SLC25A27: variants seen among roughly 807,000 people sequenced by gnomAD.
SLC25A27 encodes mitochondrial uncoupling protein 4.
In SLC25A27, 35 loss-of-function variants were observed where a neutral mutation model predicts 49.1. That is an observed-to-expected ratio of 0.71 (90% CI 0.54 to 0.95). The LOEUF (loss-of-function observed/expected upper bound fraction) is 0.95. SLC25A27 is among the 40% of genes least tolerant of loss of function. The probability of loss-of-function intolerance (pLI) is 0.00; values close to 1 mark genes in which losing one functional copy is unlikely to be tolerated. For missense variants in SLC25A27, 339 were observed against 397.1 expected (o/e 0.85, Z 1.24); for synonymous variants, 144 against 136.9 (o/e 1.05, Z -0.36).
Position 46,653,041 on chromosome 6 carries a change from C to A in SLC25A27, c.-152C>A, listed in dbSNP as rs998929687. On this transcript the variant is annotated 5_prime_UTR_variant, in exon 1 of 9. Coordinates refer to ENST00000371347, the MANE Select transcript of SLC25A27 (RefSeq NM_004277.5). Reference sequence around the variant, plus strand: ...CCAGCTGGGACTGCTAGGAAGGTTGCGGGTCCACCCGGCCGAGCCGAACGA... The same window carrying A: ...CCAGCTGGGACTGCTAGGAAGGTTGAGGGTCCACCCGGCCGAGCCGAACGA... The A allele has an allele frequency of 1.4e-5, 10 of 693,310 alleles. No individual in the cohort carries two copies. The East Asian group carries it at 2.2e-4, about 15-fold the overall frequency. The allele number at this position is 693,310 out of a possible 1,614,324, so 42.9% of individuals were successfully genotyped here. A position where few individuals can be genotyped will look rare whatever the true frequency, so the allele number is the denominator to read the frequency against.
Position 46,667,843 on chromosome 6 carries a change from T to C in SLC25A27, c.620-866T>C, listed in dbSNP as rs191396106. ...CTGAAACACCATGTAGTTTACTTTA[T>C]TGTCTCATCCCACAACAGAGAGCAA... On this transcript the variant is annotated intron_variant, in intron 5 of 8. Transcript: ENST00000371347. Among the ~76,000 whole-genome samples, 205 of 152,360 alleles carry C rather than the reference T, an allele frequency of 1.3e-3. 1 individual carries two copies. Among genetic ancestry groups the C allele is most frequent in the African/African-American group, 4.8e-3 (199 of 41,586 alleles).
chr6:46,668,483 C>T (rs556361042), intron 5 of SLC25A27, among the ~76,000 whole-genome samples: 3 of 152,134 alleles, frequency 2.0e-5, no homozygotes, highest in Non-Finnish European at 4.4e-5. Flanking sequence ...AGGGGTTGAG[C>T]TGAATTTAGG....
At chr6:46,668,916 A>G in intron 6 of SLC25A27, 123 bp downstream of exon 6, 1 of 567,456 alleles carries the variant, frequency 1.8e-6, no homozygotes, top group Non-Finnish European at 3.2e-6. Context: ...AGAGAAGAGT[A>G]CATTTATAAA....
At position 46,668,774 on chromosome 6, in the gene SLC25A27, A is replaced by G. The variant is rs1300136980; in HGVS notation, c.685A>G (p.Met229Val). The G allele has an allele frequency of 1.2e-6, 2 of 1,600,470 alleles. No individual in the cohort carries two copies. The highest frequency in any genetic ancestry group is 4.5e-5 in the East Asian group (2 of 44,794). ...VLNTPLEDNI[M>V]THGLSSLCSG... is the part of the protein sequence containing the mutation. The stretch of plus-strand genomic sequence containing the variant: ...GAATACACCACTTGAGGACAATATC[A>G]TGACTCACGGTTTATCAAGGTAAGG... The change falls in exon 6 of 9, where the codon ATG becomes GTG. Residue 229 changes from methionine to valine, a missense_variant. Coordinates refer to ENST00000371347, the MANE Select transcript of SLC25A27 (RefSeq NM_004277.5).
At chr6:46,668,099 C>T (rs1763381061) in intron 5 of SLC25A27, among the ~76,000 whole-genome samples, 1 of 152,210 alleles carries the variant, frequency 6.6e-6, no homozygotes, top group African/African-American at 2.4e-5. Flanking sequence ...AATCCCAGCA[C>T]TTTGGGAGGT....
At chr6:46,655,518 T>C (rs2150630353) in intron 1 of SLC25A27, among the ~76,000 whole-genome samples, 1 of 147,070 alleles carries the variant, frequency 6.8e-6, no homozygotes, top group African/African-American at 2.5e-5. Context: ...TCATTTTAAT[T>C]TTTATTGTTA....
chr6:46,676,762 T>C lies in SLC25A27; in HGVS notation c.*308T>C. 7.5e-7 allele frequency: 1 copy of C among 1,327,118 alleles called. No individual in the cohort carries two copies. Among genetic ancestry groups the C allele is most frequent in the Non-Finnish European group, 1.1e-6 (1 of 943,664 alleles). 82.2% of individuals were successfully genotyped at this position (1,327,118 alleles called of 1,614,324 possible). On this transcript the variant is annotated 3_prime_UTR_variant, in exon 9 of 9. Coordinates refer to ENST00000371347, the MANE Select transcript of SLC25A27 (RefSeq NM_004277.5). ...CAAGAAGGTTTGGCCTTTGAGTTGC[T>C]ATTCTATGCTGAAGAGCCTGCTTAG... is the stretch of plus-strand genomic sequence containing the variant.
chr6:46,661,557 C>A (rs191221595), intron 3 of SLC25A27, among the ~76,000 whole-genome samples: 1 of 152,318 alleles, frequency 6.6e-6, no homozygotes, highest in East Asian at 1.9e-4. Context: ...TACAAAGGAA[C>A]ATTTATACAG....
Position 46,670,208 on chromosome 6 carries a change from C to A in SLC25A27, c.778C>A (p.Pro260Thr). Residue 260 changes from proline (P) to threonine (T), a missense_variant, in exon 7 of 9, where the codon CCA becomes ACA. Pro to Thr is a conservative substitution (Grantham distance 38). Coordinates refer to ENST00000371347, the MANE Select transcript of SLC25A27 (RefSeq NM_004277.5). ...CATCAAAAGCAGAATAATGAATCAACCACGAGATAAACAAGGAAGGTAGAT... is the reference window on the plus strand; with the variant it reads ...CATCAAAAGCAGAATAATGAATCAAACACGAGATAAACAAGGAAGGTAGAT... ...DVIKSRIMNQ[P>T]RDKQGRGLLY... 1 of 1,611,970 alleles carries A rather than the reference C, an allele frequency of 6.2e-7. No homozygotes were observed. Among genetic ancestry groups the A allele is most frequent in the South Asian group, 1.1e-5 (1 of 90,816 alleles).
In SLC25A27 at chr6:46,664,764, T is replaced by C; in HGVS notation, c.507-10T>C. 1 of 1,504,428 alleles carries C rather than the reference T, an allele frequency of 6.6e-7. No individual in the cohort carries two copies. Among genetic ancestry groups the C allele is most frequent in the East Asian group, 2.3e-5 (1 of 43,614 alleles). 93.2% of individuals were successfully genotyped at this position (1,504,428 alleles called of 1,614,324 possible). Reference sequence around the variant, plus strand: ...ATGGAGTTTTCACATTTAATTATTATTCTCCTTAGATTTCGTGGTGTACAT... The same window carrying C: ...ATGGAGTTTTCACATTTAATTATTACTCTCCTTAGATTTCGTGGTGTACAT... On this transcript the variant is annotated splice_polypyrimidine_tract_variant and intron_variant, in intron 4 of 8. Transcript: ENST00000371347.
chr6:46,672,618 A>C (rs1763596928), intron 8 of SLC25A27, among the ~76,000 whole-genome samples: 1 of 152,148 alleles, frequency 6.6e-6, no homozygotes, highest in African/African-American at 2.4e-5. Flanking sequence ...CTTCATTCCC[A>C]GATTCCTGCT....
chr6:46,669,915 C>G (rs1430960207), intron 6 of SLC25A27, among the ~76,000 whole-genome samples: 1 of 152,180 alleles, frequency 6.6e-6, no homozygotes, highest in African/African-American at 2.4e-5. Context: ...TAGAAGAATG[C>G]TTGACACCAG....
intron 7 of SLC25A27, chr6:46,670,475 A>G (rs1194653812): frequency 9.7e-6 from 4 of 410,654 alleles, no homozygotes; most frequent in Non-Finnish European, 1.7e-5. Context: ...GTTTTTAAAG[A>G]ATTGTTAAAA....
At chr6:46,673,333 A>G (rs1287583914) in intron 8 of SLC25A27, among the ~76,000 whole-genome samples, 2 of 152,204 alleles carry the variant, frequency 1.3e-5, no homozygotes, top group Non-Finnish European at 2.9e-5. Context: ...AAAAGCATCA[A>G]AAGTCTAAAT....
chr6:46,654,234 C>A, intron 1 of SLC25A27: 2 of 498,736 alleles, frequency 4.0e-6, no homozygotes, highest in Non-Finnish European at 5.2e-6. Context: ...ATAAAAAGAA[C>A]AGTTCTGATG....
At chr6:46,670,346 T>C (rs1013673981) in intron 7 of SLC25A27, 119 bp downstream of exon 7, 5 of 709,838 alleles carry the variant, frequency 7.0e-6, no homozygotes, top group Admixed American at 6.7e-5. Flanking sequence ...TTGAGAAAAT[T>C]GAGCGCATTT....
intron 6 of SLC25A27, among the ~76,000 whole-genome samples, chr6:46,669,106 AGGCACTG>A: frequency 6.6e-6 from 1 of 152,338 alleles, no homozygotes; most frequent in Non-Finnish European, 1.5e-5. Context: ...TTTATGTTAA[AGGCACTG>A]GGCAGGGCTC....
chr6:46,653,314 C>T lies in SLC25A27; in HGVS notation c.106+16C>T, dbSNP rs761672088. ...GCCGAGCTAGGTACCCGGCTGCCCA[C>T]GCCTGGGCCTCCCGGGCCAGTGGCA... On this transcript the variant is annotated intron_variant, in intron 1 of 8. Transcript: ENST00000371347. 3.1e-5 allele frequency: 49 copies of T among 1,605,264 alleles called. No homozygotes were observed. Among genetic ancestry groups the T allele is most frequent in the African/African-American group, 4.0e-5 (3 of 74,772 alleles).
At position 46,655,905 on chromosome 6, in the gene SLC25A27, C is replaced by G. The variant is rs200951505; in HGVS notation, c.169C>G (p.Arg57Gly). The G allele has an allele frequency of 1.9e-6, 3 of 1,613,504 alleles. No homozygotes were observed. The highest frequency in any genetic ancestry group is 2.7e-5 in the African/African-American group (2 of 74,774). The change falls in exon 2 of 9, where the codon CGG becomes GGG. Residue 57 changes from arginine to glycine, a missense_variant. Transcript: ENST00000371347. ...AATGCAAGGAGAAGCAGCTCTTGCT[C>G]GGTTGGGAGACGGTGCAAGAGAATC... ...LQMQGEAALA[R>G]LGDGARESAP...
Sources: allele counts gnomAD v4.1 joint callset (sites outside exome capture counted in the v4.1 genomes callset), GRCh38; gene constraint gnomAD v4.1.1; transcripts MANE v1.5; gene names NCBI Gene and HGNC (gene_info 2026-07-23, HGNC 2026-07-21).